TC2N: variants seen among roughly 807,000 people sequenced by gnomAD.
TC2N encodes the protein tandem C2 domains, nuclear, also known as tandem C2 domains nuclear protein.
TC2N carries 51 observed loss-of-function variants against 61.9 expected under a neutral mutation model. That is an observed-to-expected ratio of 0.82 (90% CI 0.66 to 1.04). The LOEUF (loss-of-function observed/expected upper bound fraction) is 1.04, where lower values mean the gene tolerates loss of function less well. TC2N is among the 50% of genes least tolerant of loss of function. The pLI is 0.00. For synonymous variants in TC2N, 204 were observed against 192.6 expected, an observed-to-expected ratio of 1.06 and a Z score of -0.49; for missense variants, 556 against 566.7, an observed-to-expected ratio of 0.98 and a Z score of 0.19.
At chr14:91,801,135 A>G (rs546453446) in intron 4 of TC2N, among the ~76,000 whole-genome samples, 4 of 151,996 alleles carry the variant, frequency 2.6e-5, no homozygotes, top group African/African-American at 4.8e-5. Context: ...ACAGACGAAC[A>G]TGATAGACTA....
At chr14:91,857,668 C>T (rs1330369902) in intron 1 of TC2N, among the ~76,000 whole-genome samples, 3 of 152,166 alleles carry the variant, frequency 2.0e-5, no homozygotes, top group Non-Finnish European at 4.4e-5. Flanking sequence ...AGGGTTGAGA[C>T]CCAAATTCAG....
At position 91,802,437 on chromosome 14, in the gene TC2N, T is replaced by G. The variant is rs1886305148; in HGVS notation, c.302-16A>C. The G allele has an allele frequency of 6.2e-7, 1 of 1,607,824 alleles. No individual in the cohort carries two copies. Among genetic ancestry groups the G allele is most frequent in the South Asian group, 1.1e-5 (1 of 89,388 alleles). On this transcript the variant is annotated splice_polypyrimidine_tract_variant and intron_variant, in intron 3 of 11. Coordinates refer to ENST00000435962, the MANE Select transcript of TC2N (RefSeq NM_001128596.3). ...CTGGCAGATCCTGAAAGCAAATGTT[T>G]CTAAAAGTTTATAACATCCTTTTCT... is the stretch of plus-strand genomic sequence containing the variant.
At chr14:91,791,329 T>C (rs116711153) in intron 9 of TC2N, among the ~76,000 whole-genome samples, 244 of 152,284 alleles carry the variant, frequency 1.6e-3, no homozygotes, top group African/African-American at 4.9e-3. Flanking sequence ...ATGATTCTAA[T>C]GTATACCCAG....
At chr14:91,803,443 TTTTA>T (rs1386736543) in intron 3 of TC2N, among the ~76,000 whole-genome samples, 4 of 128,516 alleles carry the variant, frequency 3.1e-5, no homozygotes, top group African/African-American at 1.1e-4. Context: ...ATATATATAA[TTTTA>T]TTTATTTATT....
At chr14:91,858,338 C>T (rs1888526371) in intron 1 of TC2N, among the ~76,000 whole-genome samples, 1 of 152,010 alleles carries the variant, frequency 6.6e-6, no homozygotes, top group Admixed American at 6.6e-5. Context: ...TCAGGGTTGA[C>T]ATCGACATCT....
At chr14:91,808,272 T>C (rs971333928) in intron 3 of TC2N, among the ~76,000 whole-genome samples, 3 of 152,206 alleles carry the variant, frequency 2.0e-5, no homozygotes, top group African/African-American at 4.8e-5. Context: ...TAGTAACATA[T>C]TGTATAGGTT....
chr14:91,812,637 T>G, intron 2 of TC2N, 92 bp from the exon 3 acceptor site: 1 of 647,940 alleles, frequency 1.5e-6, no homozygotes, highest in Non-Finnish European at 2.6e-6. Context: ...ATTTAACCAT[T>G]TTAGAAGAAA....
intron 8 of TC2N, among the ~76,000 whole-genome samples, chr14:91,793,706 C>T (rs868098927): frequency 2.6e-5 from 4 of 152,112 alleles, no homozygotes; most frequent in Admixed American, 6.5e-5. Context: ...TGTGTTCTGA[C>T]GGCTCTGGCA....
At chr14:91,814,982 T>C (rs1323226711) in intron 1 of TC2N, among the ~76,000 whole-genome samples, 1 of 150,878 alleles carries the variant, frequency 6.6e-6, no homozygotes, top group Non-Finnish European at 1.5e-5. Flanking sequence ...ATTTGAAAAG[T>C]AAAGAAAAAG....
intron 10 of TC2N, 129 bp downstream of exon 10, chr14:91,787,384 A>G: frequency 1.7e-6 from 1 of 578,222 alleles, no homozygotes; most frequent in East Asian, 3.3e-5. Flanking sequence ...ATAATTTTAA[A>G]TTTAAAGTAA....
intron 1 of TC2N, among the ~76,000 whole-genome samples, chr14:91,817,772 G>A (rs781329595): frequency 2.8e-4 from 43 of 152,058 alleles, no homozygotes; most frequent in Admixed American, 5.9e-4. Flanking sequence ...ATGGCCTTGA[G>A]TCATCCAAAA....
intron 1 of TC2N, among the ~76,000 whole-genome samples, chr14:91,855,777 CG>C (rs1220346051): frequency 6.6e-6 from 1 of 152,040 alleles, no homozygotes; most frequent in Non-Finnish European, 1.5e-5. Flanking sequence ...TTGGATGGTG[CG>C]GGGCGAGGGG....
At chr14:91,850,863 G>A (rs917192721) in intron 1 of TC2N, among the ~76,000 whole-genome samples, 2 of 152,134 alleles carry the variant, frequency 1.3e-5, no homozygotes, top group African/African-American at 2.4e-5. Flanking sequence ...TTCAGGAGGC[G>A]GAGGTTGCAG....
intron 3 of TC2N, among the ~76,000 whole-genome samples, chr14:91,811,609 GAGA>G (rs1348315594): frequency 6.6e-6 from 1 of 152,064 alleles, no homozygotes; most frequent in Non-Finnish European, 1.5e-5. Context: ...GAAGAAAGAA[GAGA>G]AGGAAAAGTG....
In TC2N at chr14:91,785,254, T is replaced by C. The variant is rs959249741; in HGVS notation, c.1270A>G (p.Ile424Val). ...NGRVKWGETM[I>V]FPLIQSEKEI... Reference sequence around the variant, plus strand: ...TTTTCACTCTGTATAAGTGGAAAAATCATAGTCTCTCCCCACTTGACTCTT... The same window carrying C: ...TTTTCACTCTGTATAAGTGGAAAAACCATAGTCTCTCCCCACTTGACTCTT... The change falls in exon 11 of 12, where the codon ATT (isoleucine) becomes GTT (valine). Residue 424 changes from isoleucine (I) to valine (V), a missense_variant. By Grantham distance (29) the Ile-to-Val change is conservative. Coordinates refer to ENST00000435962, the MANE Select transcript of TC2N (RefSeq NM_001128596.3). The C allele has an allele frequency of 6.2e-7, 1 of 1,612,990 alleles. No individual in the cohort carries two copies. Among genetic ancestry groups the C allele is most frequent in the Non-Finnish European group, 8.5e-7 (1 of 1,179,122 alleles).
Position 91,861,913 on chromosome 14 carries a change from A to AATAT in TC2N, c.-57+5345_-57+5348dup, listed in dbSNP as rs10654548. Among the ~76,000 whole-genome samples the AATAT allele has an allele frequency of 2.3e-3, 347 of 148,784 alleles. 1 individual carries two copies. The highest frequency in any genetic ancestry group is 6.9e-3 in the East Asian group (35 of 5,100). Reference sequence around the variant, plus strand: ...ACAGAGTGAAACCATGTCGTTGGAAAATATATATATATATGTATATATATG... The same window carrying AATAT: ...ACAGAGTGAAACCATGTCGTTGGAAAATATATATATATATATATGTATATATATG... On this transcript the variant is annotated intron_variant, in intron 1 of 11. Transcript: ENST00000435962.
At chr14:91,792,316 C>T (rs756669008) in intron 9 of TC2N, 51 bp downstream of exon 9, 4 of 1,253,230 alleles carry the variant, frequency 3.2e-6, no homozygotes, top group Non-Finnish European at 4.3e-6. Context: ...AGCCCATCCA[C>T]CAACTAATTC....
At chr14:91,864,011 G>C (rs1422556497) in intron 1 of TC2N, among the ~76,000 whole-genome samples, 2 of 151,914 alleles carry the variant, frequency 1.3e-5, no homozygotes, top group African/African-American at 4.8e-5. Context: ...AAAAAACCCA[G>C]AATAAAGAAC....
rs1438898895 is a variant in TC2N, at chr14:91,780,931, C to T, written c.*2169G>A. On this transcript the variant is annotated 3_prime_UTR_variant, in exon 12 of 12. Transcript: ENST00000435962. ...AAAACATTTAGGATCTTAGTTGTAT[C>T]AATACTTCTGTACCTGAAAGCTCTT... 5.4e-5 allele frequency: 8 copies of T among 148,626 alleles called. No individual in the cohort carries two copies. Among genetic ancestry groups the T allele is most frequent in the Admixed American group, 2.7e-4 (4 of 15,054 alleles). The allele number at this position is 148,626 out of a possible 1,614,324, so 9.2% of individuals were successfully genotyped here.
Sources: gnomAD v4.1 joint callset for allele counts (sites outside exome capture counted in the v4.1 genomes callset) on GRCh38, gnomAD v4.1.1 for gene constraint, MANE v1.5 for transcripts, NCBI Gene and HGNC (gene_info 2026-07-23, HGNC 2026-07-21) for gene names.